Variants in ARHGAP10 observed in about 807,000 individuals in gnomAD.
The protein encoded by ARHGAP10 is rho GTPase-activating protein 10.
Under a neutral mutation model 108.6 loss-of-function variants are expected in ARHGAP10, and 87 were observed. That is an observed-to-expected ratio of 0.80 (90% CI 0.67 to 0.96). ARHGAP10 has a LOEUF of 0.96. ARHGAP10 is among the 40% of genes least tolerant of loss of function. The probability of loss-of-function intolerance (pLI) is 0.00; values close to 1 mark genes in which losing one functional copy is unlikely to be tolerated. For missense variants in ARHGAP10, 939 were observed against 954.5 expected, an observed-to-expected ratio of 0.98 and a Z score of 0.21; for synonymous variants, 347 against 341.1, an observed-to-expected ratio of 1.02 and a Z score of -0.19.
intron 1 of ARHGAP10, among the ~76,000 whole-genome samples, chr4:147,758,361 G>T (rs1013501254): frequency 2.6e-5 from 4 of 152,062 alleles, no homozygotes; most frequent in African/African-American, 9.7e-5. Flanking sequence ...AGCTTATTGA[G>T]ATATAATTCA....
chr4:147,850,296 A>T (rs1417188320), intron 4 of ARHGAP10, among the ~76,000 whole-genome samples: 1 of 152,366 alleles, frequency 6.6e-6, no homozygotes, highest in East Asian at 1.9e-4. Context: ...TAAGGGAATA[A>T]AAGCTGGCCA....
At chr4:147,827,103 T>A (rs546421180) in intron 3 of ARHGAP10, among the ~76,000 whole-genome samples, 4 of 152,298 alleles carry the variant, frequency 2.6e-5, no homozygotes, top group Admixed American at 2.6e-4. Flanking sequence ...ATGAAATTAG[T>A]AAAAGTTGAA....
At chr4:148,007,902 G>A (rs116045846) in intron 18 of ARHGAP10, among the ~76,000 whole-genome samples, 2,078 of 152,184 alleles carry the variant, frequency 0.014, 59 homozygotes, top group African/African-American at 0.047. Context: ...CACAGTCTTC[G>A]GAGACACTTC....
rs1730214122 is a variant in ARHGAP10, at chr4:148,072,185, T to C, written c.*104T>C. The C allele has an allele frequency of 1.3e-6, 1 of 781,446 alleles. No homozygotes were observed. Among genetic ancestry groups the C allele is most frequent in the East Asian group, 4.5e-5 (1 of 22,116 alleles). 48.4% of individuals were successfully genotyped at this position (781,446 alleles called of 1,614,324 possible). A position where few individuals can be genotyped will look rare whatever the true frequency, so the allele number is the denominator to read the frequency against. ...GCTCTGGGCTGCACCCACAGGTACC[T>C]CCACACTTGGGAGTTACCATCATCA... On this transcript the variant is annotated 3_prime_UTR_variant, in exon 23 of 23. Coordinates refer to ENST00000336498, the MANE Select transcript of ARHGAP10 (RefSeq NM_024605.4).
At chr4:147,792,902 C>A (rs1731172124) in intron 1 of ARHGAP10, among the ~76,000 whole-genome samples, 3 of 152,176 alleles carry the variant, frequency 2.0e-5, no homozygotes. Context: ...GTAATCCCAG[C>A]ACTTTGGGAG....
At chr4:148,060,160 A>G (rs1337047324) in intron 20 of ARHGAP10, among the ~76,000 whole-genome samples, 1 of 152,176 alleles carries the variant, frequency 6.6e-6, no homozygotes, top group East Asian at 1.9e-4. Context: ...AATGTTTTAA[A>G]TAAAAGAAGG....
intron 5 of ARHGAP10, among the ~76,000 whole-genome samples, chr4:147,858,728 C>G (rs1734197517): frequency 6.6e-6 from 1 of 152,224 alleles, no homozygotes; most frequent in African/African-American, 2.4e-5. Flanking sequence ...ACAGCTGCAG[C>G]TTTTACAGGC....
intron 12 of ARHGAP10, among the ~76,000 whole-genome samples, 180 bp downstream of exon 12, chr4:147,909,957 A>T (rs1434847967): frequency 1.3e-5 from 2 of 152,060 alleles, no homozygotes; most frequent in African/African-American, 2.4e-5. Flanking sequence ...GGACCTCCTC[A>T]ACATTTCTTG....
intron 7 of ARHGAP10, among the ~76,000 whole-genome samples, chr4:147,867,645 C>T (rs867037436): frequency 4.6e-5 from 7 of 151,970 alleles, no homozygotes; most frequent in Admixed American, 2.0e-4. Flanking sequence ...GCGGGCAGAT[C>T]GCGAGGTCAA....
At chr4:147,853,190 G>A (rs995851059) in intron 4 of ARHGAP10, among the ~76,000 whole-genome samples, 4 of 152,194 alleles carry the variant, frequency 2.6e-5, no homozygotes, top group Non-Finnish European at 5.9e-5. Context: ...ACATGCTGGT[G>A]AACTGACCTA....
chr4:147,876,580 A>T (rs1735069498), intron 8 of ARHGAP10, among the ~76,000 whole-genome samples: 1 of 152,106 alleles, frequency 6.6e-6, no homozygotes, highest in Non-Finnish European at 1.5e-5. Flanking sequence ...GTGACAAAGC[A>T]AGACTCTGTC....
At chr4:147,836,464 A>G (rs1733174422) in intron 3 of ARHGAP10, among the ~76,000 whole-genome samples, 3 of 152,162 alleles carry the variant, frequency 2.0e-5, no homozygotes, top group African/African-American at 7.2e-5. Flanking sequence ...TCGATTTGGG[A>G]TATATACTTT....
rs143128816 is a variant in ARHGAP10, at chr4:148,041,051, G to A, written c.1868-5841G>A. Among the ~76,000 whole-genome samples, 304 of 152,264 alleles carry A rather than the reference G, an allele frequency of 2.0e-3. 1 individual carries two copies. The highest frequency in any genetic ancestry group is 5.8e-3 in the African/African-American group (243 of 41,552). ...TTTGTATACCAAAGTAGGTTTCAGC[G>A]TCCCCCAGCTAGCCAAATGCATGAC... On this transcript the variant is annotated intron_variant, in intron 19 of 22. Transcript: ENST00000336498.
At chr4:147,786,066 C>T (rs1157020096) in intron 1 of ARHGAP10, among the ~76,000 whole-genome samples, 1 of 152,018 alleles carries the variant, frequency 6.6e-6, no homozygotes, top group African/African-American at 2.4e-5. Flanking sequence ...CTGTTGGTTT[C>T]CTAATTTCCA....
chr4:147,757,123 C>G (rs921006329), intron 1 of ARHGAP10, among the ~76,000 whole-genome samples: 3 of 150,104 alleles, frequency 2.0e-5, no homozygotes, highest in Non-Finnish European at 4.4e-5. Flanking sequence ...ATCTTTTCAG[C>G]TTAGGAGATG....
At chr4:147,914,531 T>C (rs1363284998) in intron 13 of ARHGAP10, among the ~76,000 whole-genome samples, 2 of 150,870 alleles carry the variant, frequency 1.3e-5, no homozygotes, top group African/African-American at 4.9e-5. Context: ...CCCTGAGCTA[T>C]TTTTTAATTA....
chr4:147,926,448 A>G (rs11937178), intron 13 of ARHGAP10, among the ~76,000 whole-genome samples: 20,038 of 152,170 alleles, frequency 0.13, 2,856 homozygotes, highest in African/African-American at 0.34. Context: ...AGTGAAAACG[A>G]ACTCTAAGCC....
intron 10 of ARHGAP10, among the ~76,000 whole-genome samples, chr4:147,890,668 A>G (rs1357863239): frequency 6.6e-6 from 1 of 152,182 alleles, no homozygotes; most frequent in Non-Finnish European, 1.5e-5. Flanking sequence ...CTCTACTAAA[A>G]ATGCAAAAAT....
intron 4 of ARHGAP10, 113 bp from the exon 5 acceptor site, chr4:147,857,438 TCA>T: frequency 9.5e-7 from 1 of 1,050,058 alleles, no homozygotes; most frequent in Non-Finnish European, 1.3e-6. Flanking sequence ...TTTATCACAT[TCA>T]GAGTGGTGCT....
Sources: allele counts gnomAD v4.1 joint callset (sites outside exome capture counted in the v4.1 genomes callset), GRCh38; gene constraint gnomAD v4.1.1; transcripts MANE v1.5; gene names NCBI Gene and HGNC (gene_info 2026-07-23, HGNC 2026-07-21).